Variants in BORCS5 observed in about 807,000 individuals in gnomAD.
The protein encoded by BORCS5 is BLOC-1 related complex subunit 5.
Under a neutral mutation model 22.1 loss-of-function variants are expected in BORCS5, and 17 were observed. The observed-to-expected ratio is 0.77, with a 90% CI of 0.53 to 1.15. The LOEUF (loss-of-function observed/expected upper bound fraction) is 1.15. Ranked by LOEUF, BORCS5 falls within the 50% of genes most tolerant of loss-of-function variation. The pLI, the probability that BORCS5 is intolerant of heterozygous loss-of-function variation, is 0.00. For synonymous variants in BORCS5, 117 were observed against 99.8 expected, an observed-to-expected ratio of 1.17 and a Z score of -1.03; for missense variants, 247 against 253.2, an observed-to-expected ratio of 0.98 and a Z score of 0.17.
intron 2 of BORCS5, among the ~76,000 whole-genome samples, chr12:12,368,300 A>C (rs1863448107): frequency 6.8e-6 from 1 of 146,182 alleles, no homozygotes. Context: ...TTTTTAATCT[A>C]CTGGTTAGTC....
chr12:12,368,743 C>A (rs1347749479), intron 2 of BORCS5, among the ~76,000 whole-genome samples: 1 of 152,080 alleles, frequency 6.6e-6, no homozygotes, highest in Non-Finnish European at 1.5e-5. Flanking sequence ...TGCACCTGGC[C>A]AGCTTCAACT....
At chr12:12,422,921 AAACCATGGTTACAAAAGAGTTACG>A (rs1210205485) in intron 2 of BORCS5, among the ~76,000 whole-genome samples, 1 of 151,664 alleles carries the variant, frequency 6.6e-6, no homozygotes, top group Admixed American at 6.6e-5. Context: ...GTGGAGCTAC[AAACCATGGTTACAAAAGAGTTACG>A]AACCATGGTT....
intron 2 of BORCS5, among the ~76,000 whole-genome samples, chr12:12,401,319 A>G (rs886300235): frequency 6.6e-6 from 1 of 152,192 alleles, no homozygotes; most frequent in Non-Finnish European, 1.5e-5. Flanking sequence ...GTAAAACCGG[A>G]TATTGTCCCA....
intron 2 of BORCS5, among the ~76,000 whole-genome samples, chr12:12,419,225 T>C (rs750350113): frequency 1.4e-4 from 22 of 152,182 alleles, no homozygotes; most frequent in Non-Finnish European, 2.6e-4. Context: ...CCCCGGTGTA[T>C]GATGTTCCCC....
At chr12:12,455,866 A>G (rs1436917582) in intron 3 of BORCS5, among the ~76,000 whole-genome samples, 2 of 151,550 alleles carry the variant, frequency 1.3e-5, no homozygotes, top group Admixed American at 1.3e-4. Flanking sequence ...TATTTTGGGG[A>G]TAGAAAAATA....
intron 2 of BORCS5, among the ~76,000 whole-genome samples, chr12:12,370,978 T>A (rs1328861559): frequency 6.6e-6 from 1 of 152,176 alleles, no homozygotes; most frequent in Non-Finnish European, 1.5e-5. Flanking sequence ...CTCGATCTCC[T>A]GACCTTGTGA....
chr12:12,407,810 A>C (rs1165400750), intron 2 of BORCS5, among the ~76,000 whole-genome samples: 1 of 151,666 alleles, frequency 6.6e-6, no homozygotes, highest in Non-Finnish European at 1.5e-5. Flanking sequence ...TACAGGCTCA[A>C]GTGATCCTCC....
At chr12:12,405,029 G>A (rs1465215101) in intron 2 of BORCS5, among the ~76,000 whole-genome samples, 2 of 152,170 alleles carry the variant, frequency 1.3e-5, no homozygotes, top group Admixed American at 6.5e-5. Context: ...AGTCTACGAG[G>A]CACCATACAC....
intron 2 of BORCS5, among the ~76,000 whole-genome samples, chr12:12,386,467 T>TA (rs1555146896): frequency 7.3e-5 from 11 of 149,886 alleles, no homozygotes; most frequent in African/African-American, 2.7e-4. Flanking sequence ...TTTTTTTTTT[T>TA]ATTTGTTCTA....
intron 2 of BORCS5, among the ~76,000 whole-genome samples, chr12:12,408,527 ACT>A (rs1223645271): frequency 6.6e-6 from 1 of 151,826 alleles, no homozygotes; most frequent in Admixed American, 6.6e-5. Context: ...CAAACCTGAA[ACT>A]CTATATCCGT....
chr12:12,392,283 T>C (rs1053267947), intron 2 of BORCS5, among the ~76,000 whole-genome samples: 2 of 151,956 alleles, frequency 1.3e-5, no homozygotes, highest in Non-Finnish European at 2.9e-5. Flanking sequence ...TTAGGTGACT[T>C]GACCAAGATC....
rs1369333099 is a variant in BORCS5 at position 12,467,106 on chromosome 12, T to A, written c.*1330T>A. 3 of 152,130 alleles carry A rather than the reference T, an allele frequency of 2.0e-5. No homozygotes were observed. The highest frequency in any genetic ancestry group is 1.9e-4 in the East Asian group (1 of 5,188). The allele number at this position is 152,130 out of a possible 1,614,324, so 9.4% of individuals were successfully genotyped here. On this transcript the variant is annotated 3_prime_UTR_variant, in exon 4 of 4. Coordinates refer to ENST00000314565, the MANE Select transcript of BORCS5 (RefSeq NM_058169.6). ...ACCAAATCCAGCTAATTAAAAAAAA[T>A]TAATTAATTTTACATTTTCAAATTC...
intron 2 of BORCS5, among the ~76,000 whole-genome samples, chr12:12,401,289 C>T (rs375184163): frequency 5.8e-4 from 88 of 152,130 alleles, no homozygotes; most frequent in African/African-American, 2.0e-3. Context: ...TATTAGAGTT[C>T]CTGTTGTTCC....
chr12:12,456,437 A>G (rs1327170145), intron 3 of BORCS5, among the ~76,000 whole-genome samples: 2 of 152,202 alleles, frequency 1.3e-5, no homozygotes, highest in African/African-American at 2.4e-5. Flanking sequence ...TCTCCAAATA[A>G]CAAACCACAG....
chr12:12,465,057 G>A (rs1246306074), intron 3 of BORCS5, among the ~76,000 whole-genome samples: 2 of 152,000 alleles, frequency 1.3e-5, no homozygotes, highest in Non-Finnish European at 2.9e-5. Context: ...CTGCAGCTTC[G>A]ACCTTCTGGA....
intron 3 of BORCS5, among the ~76,000 whole-genome samples, chr12:12,461,833 T>G (rs1210871991): frequency 6.6e-6 from 1 of 152,204 alleles, no homozygotes; most frequent in Non-Finnish European, 1.5e-5. Context: ...AACTTGGTCA[T>G]GTGTCACGGC....
intron 3 of BORCS5, among the ~76,000 whole-genome samples, chr12:12,449,745 G>A (rs1037769031): frequency 6.6e-6 from 1 of 152,238 alleles, no homozygotes; most frequent in African/African-American, 2.4e-5. Context: ...ATGCCGTTCA[G>A]CCTGTGGTGT....
chr12:12,373,189 G>A (rs1468158319), intron 2 of BORCS5, among the ~76,000 whole-genome samples: 5 of 152,172 alleles, frequency 3.3e-5, no homozygotes, highest in Non-Finnish European at 7.3e-5. Context: ...AGGACACAAG[G>A]AGAAGACAGC....
At chr12:12,430,404 G>A (rs1310948940) in intron 2 of BORCS5, among the ~76,000 whole-genome samples, 1 of 152,070 alleles carries the variant, frequency 6.6e-6, no homozygotes, top group Admixed American at 6.6e-5. Flanking sequence ...GCCTGCCTTG[G>A]CCTCCCAAAG....
Sources: allele counts gnomAD v4.1 joint callset (sites outside exome capture counted in the v4.1 genomes callset), GRCh38; gene constraint gnomAD v4.1.1; transcripts MANE v1.5; gene names NCBI Gene and HGNC (gene_info 2026-07-23, HGNC 2026-07-21).